Variants in LRP11 observed in about 807,000 individuals in gnomAD.
The protein encoded by LRP11 is low-density lipoprotein receptor-related protein 11.
Under a neutral mutation model 43.1 loss-of-function variants are expected in LRP11, and 25 were observed. The observed-to-expected ratio is 0.58, with a 90% CI of 0.42 to 0.81. LRP11 has a LOEUF of 0.81. Ranked by LOEUF, LRP11 falls within the 30% of genes least tolerant of loss-of-function variation. The pLI, the probability that LRP11 is intolerant of heterozygous loss-of-function variation, is 0.00. For missense variants in LRP11, 623 were observed against 665.1 expected, an observed-to-expected ratio of 0.94 and a Z score of 0.70; for synonymous variants, 316 against 299.4, an observed-to-expected ratio of 1.06 and a Z score of -0.57.
chr6:149,860,805 G>GT (rs1181218949), intron 1 of LRP11, among the ~76,000 whole-genome samples: 2 of 152,192 alleles, frequency 1.3e-5, no homozygotes, highest in Non-Finnish European at 2.9e-5. Flanking sequence ...AGCTTCTGCT[G>GT]GTGCTGCTGG....
rs776903133 is a variant in LRP11, at chr6:149,820,641, A to T, written c.1411T>A (p.Cys471Ser). 1 of 781,054 alleles carries T rather than the reference A, an allele frequency of 1.3e-6. No homozygotes were observed. The highest frequency in any genetic ancestry group is 2.4e-6 in the Non-Finnish European group (1 of 418,130). 48.4% of individuals were successfully genotyped at this position (781,054 alleles called of 1,614,324 possible). The stretch of plus-strand genomic sequence containing the variant: ...TTCTGTTTCACCAGTCGTAGTCGGC[A>T]TGCAACCATGAGAAGCAGCAGAGCA... The part of the protein sequence containing the change: ...ITALLLLMVA[C>S]RLRLVKQKLK... The change falls in exon 7 of 7, where the codon TGC becomes AGC. Residue 471 changes from cysteine to serine, a missense_variant. Physicochemically the swap from Cys to Ser is moderately radical, Grantham distance 112. Transcript: ENST00000239367.
At chr6:149,826,179 T>A (rs1776336578) in intron 6 of LRP11, 85 bp downstream of exon 6, 1 of 1,030,660 alleles carries the variant, frequency 9.7e-7, no homozygotes, top group East Asian at 2.4e-5. Flanking sequence ...TGAGCTCTCA[T>A]GGCCTCAGGG....
intron 1 of LRP11, among the ~76,000 whole-genome samples, chr6:149,859,836 C>T (rs1242484665): frequency 6.6e-6 from 1 of 151,972 alleles, no homozygotes; most frequent in Non-Finnish European, 1.5e-5. Flanking sequence ...GATTTGAAAC[C>T]TGTCTTCCTT....
intron 2 of LRP11, 74 bp downstream of exon 2, chr6:149,852,929 T>C (rs138783047): frequency 4.1e-5 from 56 of 1,351,526 alleles, no homozygotes; most frequent in Non-Finnish European, 5.4e-5. Flanking sequence ...TTAGGGAGCA[T>C]GAAGTGGCAG....
intron 5 of LRP11, among the ~76,000 whole-genome samples, chr6:149,834,156 CTGAGAATAATGGCTTCT>C (rs1776443000): frequency 6.6e-6 from 1 of 152,120 alleles, no homozygotes. Context: ...CGTTAGTTTG[CTGAGAATAATGGCTTCT>C]AGCCTGGAGC....
In LRP11 at chr6:149,853,079, C is replaced by T. The variant is rs751332593; in HGVS notation, c.695G>A (p.Arg232His). The T allele has an allele frequency of 2.4e-5, 38 of 1,612,484 alleles. No homozygotes were observed. Among genetic ancestry groups the T allele is most frequent in the Admixed American group, 1.3e-4 (8 of 59,838 alleles). The change falls in exon 2 of 7, where the codon CGC becomes CAC. Residue 232 changes from arginine (R) to histidine (H), a missense_variant. By Grantham distance (29) the Arg-to-His change is conservative. Coordinates refer to ENST00000239367, the MANE Select transcript of LRP11 (RefSeq NM_032832.6). ...GATGGCGTGGTCATCTGTGCTCTCG[C>T]GGCCGTCTAGAACCACCCCGTCTGT... ...LPTDGVVLDG[R>H]ESTDDHAIVQ...
At chr6:149,856,679 G>A (rs1468490464) in intron 1 of LRP11, among the ~76,000 whole-genome samples, 2 of 152,192 alleles carry the variant, frequency 1.3e-5, no homozygotes, top group Non-Finnish European at 2.9e-5. Context: ...CTACAGAGGT[G>A]AAATAAGACT....
chr6:149,844,975 T>C (rs557994408), intron 2 of LRP11, among the ~76,000 whole-genome samples: 13 of 152,286 alleles, frequency 8.5e-5, no homozygotes, highest in African/African-American at 3.1e-4. Flanking sequence ...GACCCAGGAT[T>C]CTACACTTAC....
At chr6:149,841,643 T>C (rs1301974703) in intron 3 of LRP11, among the ~76,000 whole-genome samples, 4 of 152,188 alleles carry the variant, frequency 2.6e-5, no homozygotes, top group Non-Finnish European at 1.5e-5. Flanking sequence ...CTGGGCGCGG[T>C]GGTTCACGCC....
intron 6 of LRP11, among the ~76,000 whole-genome samples, chr6:149,824,482 A>G (rs1157006454): frequency 2.0e-5 from 3 of 152,226 alleles, no homozygotes; most frequent in Non-Finnish European, 2.9e-5. Context: ...AGCTCCTTCT[A>G]AAACACACCA....
intron 6 of LRP11, among the ~76,000 whole-genome samples, chr6:149,823,826 C>T (rs552084675): frequency 9.8e-5 from 15 of 152,290 alleles, no homozygotes; most frequent in African/African-American, 3.4e-4. Context: ...GTGAAAGATA[C>T]AAATCGGTGA....
In LRP11 at chr6:149,835,957, C is replaced by T. The variant is rs1012248785; in HGVS notation, c.1252+128G>A. ...CAAGATTTCCCCCCGCCTTTCTGGCCAAATTCTTAATTTTAACTCTTATTT... is the reference window on the plus strand; with the variant it reads ...CAAGATTTCCCCCCGCCTTTCTGGCTAAATTCTTAATTTTAACTCTTATTT... On this transcript the variant is annotated intron_variant, in intron 5 of 6. Coordinates refer to ENST00000239367, the MANE Select transcript of LRP11 (RefSeq NM_032832.6). 15 of 884,884 alleles carry T rather than the reference C, an allele frequency of 1.7e-5. No individual in the cohort carries two copies. The African/African-American group carries it at 2.4e-4, about 14-fold the overall frequency. The allele number at this position is 884,884 out of a possible 1,614,324, so 54.8% of individuals were successfully genotyped here.
At chr6:149,848,769 A>C (rs76946490) in intron 2 of LRP11, among the ~76,000 whole-genome samples, 2,091 of 138,190 alleles carry the variant, frequency 0.015, 53 homozygotes, top group African/African-American at 0.063. Context: ...GAAAAAAAAC[A>C]AAACTGCTGG....
chr6:149,854,542 C>A (rs1227338893), intron 1 of LRP11, among the ~76,000 whole-genome samples: 1 of 152,216 alleles, frequency 6.6e-6, no homozygotes, highest in Non-Finnish European at 1.5e-5. Flanking sequence ...TTTCTAAGAG[C>A]ATAGTTACCA....
At chr6:149,835,901 A>G (rs946590580) in intron 5 of LRP11, among the ~76,000 whole-genome samples, 184 bp downstream of exon 5, 8 of 152,170 alleles carry the variant, frequency 5.3e-5, no homozygotes, top group African/African-American at 1.9e-4. Flanking sequence ...GTATTTAGTA[A>G]GTGTCCCTTA....
intron 3 of LRP11, among the ~76,000 whole-genome samples, chr6:149,837,959 C>G (rs1776495192): frequency 6.6e-6 from 1 of 152,142 alleles, no homozygotes; most frequent in African/African-American, 2.4e-5. Flanking sequence ...ACTCTGTCGC[C>G]CAGGCTGAAG....
At chr6:149,851,097 A>G (rs1776712191) in intron 2 of LRP11, among the ~76,000 whole-genome samples, 1 of 152,194 alleles carries the variant, frequency 6.6e-6, no homozygotes, top group Non-Finnish European at 1.5e-5. Flanking sequence ...TTCCCCTAGT[A>G]CAGGCCCTGT....
In LRP11 at chr6:149,820,687, C is replaced by T; in HGVS notation, c.1365G>A (p.Leu455=). The part of the protein sequence containing the change: ...PAPETGAVLP[L]ALGLAITALL... ...GAGCAGTGATAGCCAAACCCAGCGC[C>T]AGGGGTAGCACTGCACCTTTGAGAA... Residue 455 remains leucine (L), a synonymous_variant, in exon 7 of 7, where the codon CTG becomes CTA. Transcript: ENST00000239367. 1 of 780,996 alleles carries T rather than the reference C, an allele frequency of 1.3e-6. No individual in the cohort carries two copies. Among genetic ancestry groups the T allele is most frequent in the Non-Finnish European group, 2.4e-6 (1 of 418,110 alleles). 48.4% of individuals were successfully genotyped at this position (780,996 alleles called of 1,614,324 possible). A position where few individuals can be genotyped will look rare whatever the true frequency, so the allele number is the denominator to read the frequency against.
At chr6:149,858,609 A>G (rs1253753913) in intron 1 of LRP11, among the ~76,000 whole-genome samples, 6 of 152,200 alleles carry the variant, frequency 3.9e-5, no homozygotes, top group Admixed American at 3.3e-4. Context: ...TCCTTCCACT[A>G]TACTTCGAGA....
Sources: allele counts gnomAD v4.1 joint callset (sites outside exome capture counted in the v4.1 genomes callset), GRCh38; gene constraint gnomAD v4.1.1; transcripts MANE v1.5; gene names NCBI Gene and HGNC (gene_info 2026-07-23, HGNC 2026-07-21).